The following SMIM36 variants were observed in gnomAD, a reference collection of about 807,000 sequenced individuals.
SMIM36 encodes small integral membrane protein 36.
chr17:55,508,429 G>A (rs1239545225), intron 1 of SMIM36, among the ~76,000 whole-genome samples: 1 of 77,866 alleles, frequency 1.3e-5, no homozygotes, highest in African/African-American at 7.9e-5. Flanking sequence ...TATATTCCTA[G>A]GAATATATAT....
At chr17:55,491,787 G>T (rs982882049) in intron 1 of SMIM36, among the ~76,000 whole-genome samples, 3 of 152,120 alleles carry the variant, frequency 2.0e-5, no homozygotes, top group Non-Finnish European at 1.5e-5. Flanking sequence ...CAGAAATAAA[G>T]GTGCCTGCAA....
intron 1 of SMIM36, among the ~76,000 whole-genome samples, chr17:55,497,899 C>G (rs1018538448): frequency 6.6e-6 from 1 of 152,148 alleles, no homozygotes; most frequent in Admixed American, 6.5e-5. Flanking sequence ...CATTGCACAT[C>G]CTAAACATTC....
chr17:55,512,105 T>G (rs1332425149), upstream of SMIM36, among the ~76,000 whole-genome samples: 2 of 152,170 alleles, frequency 1.3e-5, no homozygotes, highest in African/African-American at 4.8e-5. Flanking sequence ...GGACAGCGTG[T>G]CCCAGTGTGG....
intron 3 of SMIM36, chr17:55,468,249 A>C (rs1246290459): frequency 6.6e-6 from 1 of 152,384 alleles, no homozygotes; most frequent in Non-Finnish European, 1.5e-5. Context: ...TCACTCCGTG[A>C]GGAGATCCAC....
At chr17:55,511,902 G>A (rs1177899503), upstream of SMIM36, among the ~76,000 whole-genome samples, 1 of 152,178 alleles carries the variant, frequency 6.6e-6, no homozygotes, top group Non-Finnish European at 1.5e-5. Flanking sequence ...TTTCTCATTA[G>A]TTAATTCAAA....
intron 1 of SMIM36, among the ~76,000 whole-genome samples, chr17:55,501,291 T>TTATTATATTATGTTATATATTATATTC: frequency 1.6e-5 from 1 of 62,780 alleles, no homozygotes; most frequent in South Asian, 4.8e-4. Context: ...ATATTATATT[T>TTATTATATTATGTTATATATTATATTC]TATAATATAT....
chr17:55,479,275 C>T (rs1648071668), intron 2 of SMIM36, among the ~76,000 whole-genome samples, 185 bp downstream of exon 2: 1 of 152,176 alleles, frequency 6.6e-6, no homozygotes, highest in Admixed American at 6.5e-5. Flanking sequence ...CTTGTAACAT[C>T]TGAATATGTA....
chr17:55,497,817 T>C (rs1909835363), intron 1 of SMIM36, among the ~76,000 whole-genome samples: 1 of 152,208 alleles, frequency 6.6e-6, no homozygotes, highest in South Asian at 2.1e-4. Flanking sequence ...CCCCAGACTC[T>C]AACTCAGCAT....
intron 4 of SMIM36, among the ~76,000 whole-genome samples, chr17:55,455,013 T>C (rs1391232186): frequency 6.6e-6 from 1 of 152,202 alleles, no homozygotes; most frequent in African/African-American, 2.4e-5. Context: ...TCTGTGCACA[T>C]TCATTATTGT....
the SMIM36 span, among the ~76,000 whole-genome samples, chr17:55,521,751 G>A: frequency 3.9e-5 from 6 of 152,156 alleles, no homozygotes; most frequent in African/African-American, 1.4e-4. Flanking sequence ...AAAGCAATCC[G>A]GAGAGGGAGG....
intron 3 of SMIM36, among the ~76,000 whole-genome samples, chr17:55,477,553 A>G (rs953927779): frequency 4.6e-5 from 7 of 151,998 alleles, no homozygotes; most frequent in East Asian, 1.9e-4. Context: ...TAGAGATCCT[A>G]TTTCTGGATG....
the SMIM36 span, among the ~76,000 whole-genome samples, chr17:55,526,765 T>A: frequency 6.6e-6 from 1 of 152,198 alleles, no homozygotes; most frequent in East Asian, 1.9e-4. Context: ...TTTTCCCACA[T>A]GACCACACAC....
intron 1 of SMIM36, among the ~76,000 whole-genome samples, chr17:55,500,038 T>C (rs1848381134): frequency 6.6e-6 from 1 of 151,848 alleles, no homozygotes; most frequent in African/African-American, 2.4e-5. Flanking sequence ...TGTTCTCCTC[T>C]TTTTTTTCTG....
intron 1 of SMIM36, among the ~76,000 whole-genome samples, chr17:55,509,788 CA>C (rs1910148313): frequency 1.3e-5 from 2 of 152,144 alleles, no homozygotes. Flanking sequence ...GATAATAATT[CA>C]AAAATTTTGG....
At chr17:55,513,529 C>T (rs575007039), upstream of SMIM36, among the ~76,000 whole-genome samples, 6 of 152,316 alleles carry the variant, frequency 3.9e-5, no homozygotes, top group Middle Eastern at 3.4e-3. Flanking sequence ...CTGTAAGTCA[C>T]GTGCAATGCA....
In SMIM36 at chr17:55,504,424, C is replaced by A. The variant is rs1242244917; in HGVS notation, c.*174+6455G>T. Among the ~76,000 whole-genome samples, 11 of 62,094 alleles carry A rather than the reference C, an allele frequency of 1.8e-4. 2 individuals carry two copies. Among genetic ancestry groups the A allele is most frequent in the Non-Finnish European group, 2.8e-4 (11 of 39,006 alleles). 40.7% of individuals were successfully genotyped at this position (62,094 alleles called of 152,430 possible). The stretch of plus-strand genomic sequence containing the variant: ...CTAGAACTCAGGATTAAGAATCTCA[C>A]TCAAAGCCGCTCAACTACATGGAAA... On this transcript the variant is annotated intron_variant, in intron 1 of 4. Transcript: ENST00000636752.
At chr17:55,500,929 ATT>A (rs1477721821) in intron 1 of SMIM36, among the ~76,000 whole-genome samples, 1 of 27,240 alleles carries the variant, frequency 3.7e-5, no homozygotes, top group Non-Finnish European at 6.1e-5. Flanking sequence ...AATATATTAT[ATT>A]TTATAATATA....
intron 4 of SMIM36, among the ~76,000 whole-genome samples, chr17:55,464,869 T>A (rs7220600): frequency 0.53 from 79,902 of 152,162 alleles, 23,327 homozygotes; most frequent in Non-Finnish European, 0.67. Context: ...GTGCCTTGTC[T>A]TAACATTGTA....
intron 1 of SMIM36, among the ~76,000 whole-genome samples, chr17:55,482,481 A>T (rs546804078): frequency 2.2e-4 from 33 of 152,276 alleles, no homozygotes; most frequent in African/African-American, 7.9e-4. Flanking sequence ...TGTACTTTTC[A>T]ATTCAAATCT....
Sources: allele counts gnomAD v4.1 joint callset (sites outside exome capture counted in the v4.1 genomes callset), GRCh38; gene constraint gnomAD v4.1.1; transcripts MANE v1.5; gene names NCBI Gene and HGNC (gene_info 2026-07-23, HGNC 2026-07-21).